Variants in ANO6 observed in about 807,000 individuals in gnomAD.
ANO6 encodes anoctamin-6.
In ANO6, 106 loss-of-function variants were observed where a neutral mutation model predicts 117.5. The observed-to-expected ratio is 0.90, with a 90% CI of 0.77 to 1.06. The LOEUF is 1.06. Ranked by LOEUF, ANO6 falls within the 50% of genes least tolerant of loss-of-function variation. ANO6 has a pLI of 0.00. For missense variants in ANO6, 955 were observed against 1,121.1 expected (o/e 0.85, Z 2.12); for synonymous variants, 367 against 385.1 (o/e 0.95, Z 0.55).
intron 18 of ANO6, among the ~76,000 whole-genome samples, chr12:45,421,717 G>A (rs143000649): frequency 1.3e-3 from 192 of 152,250 alleles, no homozygotes; most frequent in Admixed American, 3.1e-3. Flanking sequence ...TTGAATGATG[G>A]CAAACTAGCA....
At chr12:45,241,110 G>A (rs1947735989) in intron 1 of ANO6, among the ~76,000 whole-genome samples, 1 of 152,102 alleles carries the variant, frequency 6.6e-6, no homozygotes, top group Non-Finnish European at 1.5e-5. Flanking sequence ...TTGCTAGGTT[G>A]GAGAAGTTCT....
At chr12:45,363,607 G>T (rs1018765872) in intron 8 of ANO6, among the ~76,000 whole-genome samples, 1 of 151,964 alleles carries the variant, frequency 6.6e-6, no homozygotes, top group East Asian at 1.9e-4. Flanking sequence ...TGTGTTTCTG[G>T]TAGGGCAGCT....
rs536637932 is a variant in ANO6 at position 45,326,819 on chromosome 12, T to C, written c.151-4476T>C. 2.0e-5 allele frequency among the ~76,000 whole-genome samples: 3 copies of C among 152,328 alleles called. No individual in the cohort carries two copies. In the South Asian group the frequency reaches 6.2e-4, roughly 32 times the overall value. On this transcript the variant is annotated intron_variant, in intron 2 of 19. Coordinates refer to ENST00000320560, the MANE Select transcript of ANO6 (RefSeq NM_001025356.3). ...TTCAAATGGATACCAGGGTTCACAG[T>C]GGCTGTAAATCACACCATTTCTGGG...
At chr12:45,364,276 G>C (rs903922911) in intron 8 of ANO6, among the ~76,000 whole-genome samples, 2 of 152,142 alleles carry the variant, frequency 1.3e-5, no homozygotes, top group African/African-American at 4.8e-5. Context: ...GATACTCCTA[G>C]GTTTGGATCT....
chr12:45,218,561 G>T (rs2137114313), intron 1 of ANO6, among the ~76,000 whole-genome samples: 1 of 151,844 alleles, frequency 6.6e-6, no homozygotes, highest in Non-Finnish European at 1.5e-5. Context: ...CACCTAGTTG[G>T]TTGTTTTTTT....
At chr12:45,323,333 G>A (rs1346063866) in intron 2 of ANO6, among the ~76,000 whole-genome samples, 1 of 152,186 alleles carries the variant, frequency 6.6e-6, no homozygotes, top group Non-Finnish European at 1.5e-5. Context: ...TTCAAAGCAT[G>A]TTAGAAGCAG....
At position 45,429,994 on chromosome 12, in the gene ANO6, C is replaced by A; in HGVS notation, c.*683C>A. 1 of 986,296 alleles carries A rather than the reference C, an allele frequency of 1.0e-6. No individual in the cohort carries two copies. The highest frequency in any genetic ancestry group is 4.7e-5 in the South Asian group (1 of 21,348). The allele number at this position is 986,296 out of a possible 1,614,324, so 61.1% of individuals were successfully genotyped here. On this transcript the variant is annotated 3_prime_UTR_variant, in exon 20 of 20. Transcript: ENST00000320560. ...CCTAATCCACAGTGACACTTTTTAT[C>A]TTCCAGGAGCACTCCTAGGAGGTTC...
intron 1 of ANO6, 114 bp from the exon 2 acceptor site, chr12:45,301,900 C>A (rs1592937153): frequency 1.2e-6 from 1 of 853,514 alleles, no homozygotes; most frequent in Non-Finnish European, 2.0e-6. Context: ...ATAATATAAA[C>A]CTGTCAATGT....
intron 1 of ANO6, among the ~76,000 whole-genome samples, chr12:45,226,989 T>C (rs943003625): frequency 5.5e-5 from 8 of 145,818 alleles, no homozygotes; most frequent in African/African-American, 1.5e-4. Flanking sequence ...ATTTTCTTTT[T>C]TTTTTTTTTT....
chr12:45,294,335 T>G (rs967223621), intron 1 of ANO6, among the ~76,000 whole-genome samples: 1 of 152,212 alleles, frequency 6.6e-6, no homozygotes, highest in Non-Finnish European at 1.5e-5. Flanking sequence ...AAATGTATAG[T>G]ACTGGACCCT....
At chr12:45,392,117 C>G (rs1942470140) in intron 12 of ANO6, among the ~76,000 whole-genome samples, 1 of 152,184 alleles carries the variant, frequency 6.6e-6, no homozygotes, top group Non-Finnish European at 1.5e-5. Flanking sequence ...CCGTGACAGA[C>G]TATCTGGAAG....
chr12:45,387,046 G>C (rs529028639), intron 10 of ANO6, among the ~76,000 whole-genome samples: 65 of 152,254 alleles, frequency 4.3e-4, no homozygotes, highest in African/African-American at 1.3e-3. Context: ...ATATGCCTAG[G>C]AGCTCCTTGA....
downstream of ANO6, among the ~76,000 whole-genome samples, chr12:45,434,337 G>A (rs561992829): frequency 2.4e-4 from 36 of 152,284 alleles, no homozygotes; most frequent in South Asian, 7.3e-3. Context: ...GCAGGTAAGA[G>A]GCCTGCTCTG....
At chr12:45,234,330 T>G (rs1262305190) in intron 1 of ANO6, among the ~76,000 whole-genome samples, 1 of 152,068 alleles carries the variant, frequency 6.6e-6, no homozygotes, top group Non-Finnish European at 1.5e-5. Flanking sequence ...GGGAACTGTT[T>G]GCAGACTCTC....
chr12:45,236,701 G>A (rs1947650808), intron 1 of ANO6, among the ~76,000 whole-genome samples: 1 of 152,212 alleles, frequency 6.6e-6, no homozygotes, highest in Non-Finnish European at 1.5e-5. Flanking sequence ...GTGTGCATGT[G>A]TCTTCATAGT....
At chr12:45,367,129 G>A (rs887010965) in intron 8 of ANO6, among the ~76,000 whole-genome samples, 4 of 152,022 alleles carry the variant, frequency 2.6e-5, no homozygotes, top group Non-Finnish European at 5.9e-5. Context: ...TTACAGGCAC[G>A]CACCACCATG....
Position 45,388,164 on chromosome 12 carries a change from C to A in ANO6, c.1169C>A (p.Thr390Asn). 1 of 1,613,850 alleles carries A rather than the reference C, an allele frequency of 6.2e-7. No homozygotes were observed. The highest frequency in any genetic ancestry group is 8.5e-7 in the Non-Finnish European group (1 of 1,179,830). The change falls in exon 11 of 20, where the codon ACC becomes AAC. Residue 390 changes from threonine to asparagine, a missense_variant. Physicochemically the swap from Thr to Asn is moderately conservative, Grantham distance 65. Transcript: ENST00000320560. ...AGCTCTTCTGTCTCTCTGTTAGTTA[C>A]CTTGTTTTTGGAGTTTTGGAAGCGA... ...VFAVFMGVWV[T>N]LFLEFWKRRQ...
intron 9 of ANO6, among the ~76,000 whole-genome samples, chr12:45,371,664 G>A (rs1387714023): frequency 6.6e-6 from 1 of 151,932 alleles, no homozygotes; most frequent in East Asian, 1.9e-4. Flanking sequence ...TCTGTTAGAA[G>A]GAAAACTAAC....
chr12:45,369,379 T>C (rs535405031), intron 9 of ANO6, among the ~76,000 whole-genome samples: 68 of 152,242 alleles, frequency 4.5e-4, no homozygotes, highest in Non-Finnish European at 7.2e-4. Context: ...CAAGTGGAAG[T>C]TTCATTTTCC....
Sources: allele counts gnomAD v4.1 joint callset (sites outside exome capture counted in the v4.1 genomes callset), GRCh38; gene constraint gnomAD v4.1.1; transcripts MANE v1.5; gene names NCBI Gene and HGNC (gene_info 2026-07-23, HGNC 2026-07-21).